AOC2: variants seen among roughly 807,000 people sequenced by gnomAD.
The protein encoded by AOC2 is amine oxidase copper containing 2.
A neutral mutation model predicts 53.8 loss-of-function variants in AOC2; 57 were observed. The observed-to-expected ratio is 1.06, with a 90% CI of 0.86 to 1.32. AOC2 has a LOEUF of 1.32. Ranked by LOEUF, AOC2 falls within the 40% of genes most tolerant of loss-of-function variation. AOC2 has a pLI of 0.00. For missense variants in AOC2, 1,008 were observed against 957.2 expected (o/e 1.05, Z -0.70); for synonymous variants, 404 against 399.0 (o/e 1.01, Z -0.15).
At position 42,849,246 on chromosome 17, in the gene AOC2, C is replaced by G. The variant is rs760025729; in HGVS notation, c.1749C>G (p.Leu583=). Reference sequence around the variant, plus strand: ...TGGGAAGCCCCCTACCCCGCTACCTCTACCTGGCTAGCAACCAGACTAATG... The same window carrying G: ...TGGGAAGCCCCCTACCCCGCTACCTGTACCTGGCTAGCAACCAGACTAATG... ...FSLGSPLPRY[L]YLASNQTNAW... is the part of the protein sequence containing the mutation. Residue 583 remains leucine (L), a synonymous_variant, in exon 2 of 4, where the codon CTC becomes CTG. Transcript: ENST00000253799. 1.2e-6 allele frequency: 2 copies of G among 1,614,214 alleles called. No homozygotes were observed. Among genetic ancestry groups the G allele is most frequent in the East Asian group, 4.5e-5 (2 of 44,882 alleles).
rs2055583382 is a variant in AOC2 at position 42,845,184 on chromosome 17, G to T, written c.558G>T (p.Lys186Asn). 4 of 1,613,846 alleles carry T rather than the reference G, an allele frequency of 2.5e-6. No homozygotes were observed. Among genetic ancestry groups the T allele is most frequent in the South Asian group, 1.1e-5 (1 of 91,088 alleles). Residue 186 changes from lysine to asparagine, a missense_variant, in exon 1 of 4, where the codon AAG becomes AAT. Coordinates refer to ENST00000253799, the MANE Select transcript of AOC2 (RefSeq NM_009590.4). ...WRHLKEVELP[K>N]APIFLSSTFN... ...ATCTGAAAGAGGTGGAGCTACCCAA[G>T]GCACCCATCTTCCTGTCGTCCACCT...
chr17:42,846,905 T>G (rs1170948209), intron 1 of AOC2, among the ~76,000 whole-genome samples: 1 of 152,174 alleles, frequency 6.6e-6, no homozygotes, highest in Non-Finnish European at 1.5e-5. Context: ...CACACACTGA[T>G]CCACAAAGAA....
At chr17:42,848,888 T>C (rs1242369939) in intron 1 of AOC2, among the ~76,000 whole-genome samples, 198 bp from the exon 2 acceptor site, 1 of 152,028 alleles carries the variant, frequency 6.6e-6, no homozygotes, top group African/African-American at 2.4e-5. Flanking sequence ...TGGCTAGTGG[T>C]TACCCTATCG....
rs775431527 is a variant in AOC2 at position 42,845,465 on chromosome 17, T to G, written c.839T>G (p.Leu280Trp). The change falls in exon 1 of 4, where the codon TTG becomes TGG. Residue 280 changes from leucine (L) to tryptophan (W), a missense_variant. Coordinates refer to ENST00000253799, the MANE Select transcript of AOC2 (RefSeq NM_009590.4). ...QLEREFKSGR[L>W]EVVRVPLPPP... ...GAACGGGAGTTTAAGTCTGGCCGGT[T>G]GGAAGTGGTTAGAGTCCCTCTACCT... 1.2e-6 allele frequency: 2 copies of G among 1,614,160 alleles called. No homozygotes were observed. Among genetic ancestry groups the G allele is most frequent in the South Asian group, 2.2e-5 (2 of 91,070 alleles).
At chr17:42,848,544 T>TATATATATAC (rs1181397569) in intron 1 of AOC2, among the ~76,000 whole-genome samples, 3 of 129,866 alleles carry the variant, frequency 2.3e-5, no homozygotes, top group South Asian at 2.4e-4. Flanking sequence ...TATATATATA[T>TATATATATAC]ACATATATAT....
chr17:42,847,329 A>G (rs2055607097), intron 1 of AOC2, among the ~76,000 whole-genome samples: 1 of 152,188 alleles, frequency 6.6e-6, no homozygotes, highest in African/African-American at 2.4e-5. Context: ...AGGCTGTGTC[A>G]GGCACCAGCT....
chr17:42,849,991 C>T lies in AOC2; in HGVS notation c.2005-91C>T. On this transcript the variant is annotated intron_variant, in intron 3 of 3. Transcript: ENST00000253799. ...GGCATGAGGCTGGGGAGAGTGGAAG[C>T]CAGGCTGAGACTGGAGGCTGGGATT... 17 of 1,526,060 alleles carry T rather than the reference C, an allele frequency of 1.1e-5. No individual in the cohort carries two copies. In the South Asian group the frequency reaches 1.6e-4, roughly 15 times the overall value. The allele number at this position is 1,526,060 out of a possible 1,614,324, so 94.5% of individuals were successfully genotyped here.
In AOC2 at chr17:42,849,701, T is replaced by G. The variant is rs755122968; in HGVS notation, c.1975T>G (p.Phe659Val). 66 of 1,614,112 alleles carry G rather than the reference T, an allele frequency of 4.1e-5. No individual in the cohort carries two copies. In the East Asian group the frequency reaches 1.4e-3, roughly 35 times the overall value. Reference protein sequence around the residue: ...IWTPTVTFADFINNETLLGED... With the variant: ...IWTPTVTFADVINNETLLGED... ...GACACCCACAGTTACCTTTGCTGAC[T>G]TCATCAACAATGAAACCCTCTTAGG... Residue 659 changes from phenylalanine (F) to valine (V), a missense_variant, in exon 3 of 4, where the codon TTC becomes GTC. Physicochemically the swap from Phe to Val is conservative, Grantham distance 50 (BLOSUM62 -1). Transcript: ENST00000253799.
chr17:42,848,065 CTTTTTTTTTTTTTT>C (rs61450612), intron 1 of AOC2, among the ~76,000 whole-genome samples: 2 of 101,372 alleles, frequency 2.0e-5, no homozygotes, highest in Admixed American at 9.9e-5. Flanking sequence ...CATGCCCGGC[CTTTTTTTTTTTTTT>C]TTTTTTTTTT....
Position 42,849,202 on chromosome 17 carries a change from G to T in AOC2, c.1705G>T (p.Asp569Tyr). 1 of 1,614,190 alleles carries T rather than the reference G, an allele frequency of 6.2e-7. No homozygotes were observed. The highest frequency in any genetic ancestry group is 2.2e-5 in the East Asian group (1 of 44,888). Residue 569 changes from aspartate (D) to tyrosine (Y), a missense_variant, in exon 2 of 4, where the codon GAC (aspartate) becomes TAC (tyrosine). By Grantham distance (160) the Asp-to-Tyr change is radical. Transcript: ENST00000253799. ...QLTRQVLGKE[D>Y]LTAFSLGSPL... ...GACTCGGCAGGTCCTGGGAAAGGAG[G>T]ACCTGACAGCTTTTTCCTTGGGAAG...
rs369130945 is a variant in AOC2, at chr17:42,845,785, C to G, written c.1159C>G (p.Arg387Gly). 6.2e-7 allele frequency: 1 copy of G among 1,614,148 alleles called. No individual in the cohort carries two copies. Among genetic ancestry groups the G allele is most frequent in the East Asian group, 2.2e-5 (1 of 44,882 alleles). ...RYLDSSFGLG[R>G]NSRGLVRGVD... ...TTTGGATAGCAGCTTTGGACTCGGC[C>G]GTAACAGCCGAGGCTTGGTGCGGGG... The change falls in exon 1 of 4, where the codon CGT becomes GGT. Residue 387 changes from arginine (R) to glycine (G), a missense_variant. By Grantham distance (125) the Arg-to-Gly change is moderately radical. Coordinates refer to ENST00000253799, the MANE Select transcript of AOC2 (RefSeq NM_009590.4).
Position 42,845,527 on chromosome 17 carries a change from T to C in AOC2, c.901T>C (p.Ser301Pro). ...NGASSLRSRN[S>P]PGPLPPLQFS... is the part of the protein sequence containing the mutation. The stretch of plus-strand genomic sequence containing the variant: ...AGCTTCATCCCTGAGGTCTCGGAAC[T>C]CTCCAGGTCCTCTTCCCCCTCTTCA... The change falls in exon 1 of 4, where the codon TCT becomes CCT. Residue 301 changes from serine (S) to proline (P), a missense_variant. Ser to Pro is a moderately conservative substitution (Grantham distance 74). Transcript: ENST00000253799. 6.2e-7 allele frequency: 1 copy of C among 1,614,160 alleles called. No homozygotes were observed. The highest frequency in any genetic ancestry group is 8.5e-7 in the Non-Finnish European group (1 of 1,180,014).
chr17:42,849,680 C>T lies in AOC2; in HGVS notation c.1954C>T (p.Pro652Ser). The T allele has an allele frequency of 6.2e-7, 1 of 1,614,228 alleles. No individual in the cohort carries two copies. The highest frequency in any genetic ancestry group is 8.5e-7 in the Non-Finnish European group (1 of 1,180,038). The change falls in exon 3 of 4, where the codon CCC becomes TCC. Residue 652 changes from proline (P) to serine (S), a missense_variant. By Grantham distance (74) the Pro-to-Ser change is moderately conservative. Transcript: ENST00000253799. Reference protein sequence around the residue: ...SIYHQNDIWTPTVTFADFINN... With the variant: ...SIYHQNDIWTSTVTFADFINN... The stretch of plus-strand genomic sequence containing the variant: ...CTATCACCAGAATGACATCTGGACA[C>T]CCACAGTTACCTTTGCTGACTTCAT...
At chr17:42,848,943 C>A in intron 1 of AOC2, 143 bp from the exon 2 acceptor site, 1 of 907,178 alleles carries the variant, frequency 1.1e-6, no homozygotes, top group Non-Finnish European at 1.6e-6. Context: ...CTTGCCCAGA[C>A]CTCCTGGCTC....
rs1271018212 is a variant in AOC2 at position 42,850,394 on chromosome 17, C to T, written c.*46C>T. 7 of 1,521,254 alleles carry T rather than the reference C, an allele frequency of 4.6e-6. No homozygotes were observed. Among genetic ancestry groups the T allele is most frequent in the African/African-American group, 4.1e-5 (3 of 72,354 alleles). 94.2% of individuals were successfully genotyped at this position (1,521,254 alleles called of 1,614,324 possible). A position where few individuals can be genotyped will look rare whatever the true frequency, so the allele number is the denominator to read the frequency against. On this transcript the variant is annotated 3_prime_UTR_variant, in exon 4 of 4. Transcript: ENST00000253799. Reference sequence around the variant, plus strand: ...GCGTGGTTAGGCACATGTACTTTTCCCTGTTTCTACTTTCTATTCTCCGTG... The same window carrying T: ...GCGTGGTTAGGCACATGTACTTTTCTCTGTTTCTACTTTCTATTCTCCGTG...
At position 42,844,734 on chromosome 17, in the gene AOC2, C is replaced by T. The variant is rs199673549; in HGVS notation, c.108C>T (p.His36=). 27 of 1,614,248 alleles carry T rather than the reference C, an allele frequency of 1.7e-5. No individual in the cohort carries two copies. In the East Asian group the frequency reaches 6.0e-4, roughly 36 times the overall value. The stretch of plus-strand genomic sequence containing the variant: ...CAGGTGGTTCCAGCCAGCCTCCCCA[C>T]TGCCCCTCTGTATCCCATAGGGCCC... ...TSPGGSSQPP[H]CPSVSHRAQP... Residue 36 remains histidine, a synonymous_variant, in exon 1 of 4, where the codon CAC becomes CAT. Transcript: ENST00000253799.
rs554953153 is a variant in AOC2 at position 42,845,825 on chromosome 17, A to T, written c.1199A>T (p.Tyr400Phe). The T allele has an allele frequency of 1.9e-6, 3 of 1,614,104 alleles. No homozygotes were observed. In the South Asian group the frequency reaches 3.3e-5, roughly 18 times the overall value. ...RGLVRGVDCP[Y>F]QATMVDIHIL... is the part of the protein sequence containing the mutation. ...TTGGTGCGGGGAGTGGACTGCCCCT[A>T]TCAAGCCACGATGGTGGACATCCAT... The change falls in exon 1 of 4, where the codon TAT (tyrosine) becomes TTT (phenylalanine). Residue 400 changes from tyrosine (Y) to phenylalanine (F), a missense_variant. By Grantham distance (22) the Tyr-to-Phe change is conservative. Coordinates refer to ENST00000253799, the MANE Select transcript of AOC2 (RefSeq NM_009590.4).
chr17:42,845,985 C>T lies in AOC2; in HGVS notation c.1359C>T (p.Ala453=), dbSNP rs2055595955. The T allele has an allele frequency of 2.1e-5, 34 of 1,614,178 alleles. No homozygotes were observed. The highest frequency in any genetic ancestry group is 2.9e-5 in the Non-Finnish European group (34 of 1,180,038). The change falls in exon 1 of 4, where the codon GCC becomes GCT. Residue 453 remains alanine (A), a synonymous_variant. Transcript: ENST00000253799. Reference sequence around the variant, plus strand: ...TCTATGGTGGTTTGGCCAGCTCAGCCCTTGTGGTCAGGTCTGTGTCATCTG... The same window carrying T: ...TCTATGGTGGTTTGGCCAGCTCAGCTCTTGTGGTCAGGTCTGTGTCATCTG... The part of the protein sequence containing the change: ...NHFYGGLASS[A]LVVRSVSSVG...
rs1157692216 is a variant in AOC2, at chr17:42,846,219, G to A, written c.1588+5G>A. 4 of 1,509,338 alleles carry A rather than the reference G, an allele frequency of 2.7e-6. No individual in the cohort carries two copies. The highest frequency in any genetic ancestry group is 1.8e-4 in the Middle Eastern group (1 of 5,600). The allele number at this position is 1,509,338 out of a possible 1,614,324, so 93.5% of individuals were successfully genotyped here. ...AGCTGGACCTGGATGTGGCAGGTGA[G>A]TGCTGAGGGGATGAGGATGGAGACT... On this transcript the variant is annotated splice_donor_5th_base_variant and intron_variant, in intron 1 of 3. Transcript: ENST00000253799.
Sources: allele counts gnomAD v4.1 joint callset (sites outside exome capture counted in the v4.1 genomes callset), GRCh38; gene constraint gnomAD v4.1.1; transcripts MANE v1.5; gene names NCBI Gene and HGNC (gene_info 2026-07-23, HGNC 2026-07-21).